FEZ2: variants seen among roughly 807,000 people sequenced by gnomAD.
FEZ2 encodes fasciculation and elongation protein zeta-2.
Under a neutral mutation model 40.4 loss-of-function variants are expected in FEZ2, and 51 were observed. That is an observed-to-expected ratio of 1.26 (90% confidence interval 1.01 to 1.59). The LOEUF is 1.59. Among genes scored for constraint, FEZ2 ranks in the 40% most tolerant of loss-of-function variants. FEZ2 has a pLI of 0.00. For missense variants in FEZ2, 640 were observed against 438.3 expected (o/e 1.46, Z -4.11); for synonymous variants, 242 against 172.0 (o/e 1.41, Z -3.18).
intron 6 of FEZ2, chr2:36,556,147 C>A (rs752817141): frequency 4.8e-6 from 2 of 412,810 alleles, no homozygotes; most frequent in Admixed American, 3.4e-5. Flanking sequence ...GCAGATCAAG[C>A]AAACTAGAGA....
At chr2:36,568,091 C>T (rs189477319) in intron 5 of FEZ2, among the ~76,000 whole-genome samples, 1 of 151,858 alleles carries the variant, frequency 6.6e-6, no homozygotes, top group African/African-American at 2.4e-5. Context: ...TTATTAGGTG[C>T]TTATGGTGCT....
intron 5 of FEZ2, among the ~76,000 whole-genome samples, chr2:36,577,150 A>C (rs926139614): frequency 2.0e-5 from 3 of 152,208 alleles, no homozygotes; most frequent in Non-Finnish European, 4.4e-5. Flanking sequence ...GGTTTTTTTC[A>C]GAGTACTCAC....
In FEZ2 at chr2:36,593,204, G is replaced by A. The variant is rs568704610; in HGVS notation, c.267-2193C>T. Among the ~76,000 whole-genome samples the A allele has an allele frequency of 7.9e-4, 120 of 152,012 alleles. 3 individuals carry two copies. In the East Asian group the frequency reaches 0.02, roughly 26 times the overall value. On this transcript the variant is annotated intron_variant, in intron 1 of 7. Transcript: ENST00000405912. ...GCTGAGGAGGCCTCAGAATCATGGT[G>A]GGAGACAAAAGGCACTTCTTACATG... is the stretch of plus-strand genomic sequence containing the variant.
At chr2:36,569,823 T>C (rs907168650) in intron 5 of FEZ2, among the ~76,000 whole-genome samples, 1 of 152,170 alleles carries the variant, frequency 6.6e-6, no homozygotes, top group African/African-American at 2.4e-5. Context: ...AAAATCTCAA[T>C]ATCAAAGCTC....
chr2:36,587,466 A>G (rs1224750242), intron 2 of FEZ2, among the ~76,000 whole-genome samples: 1 of 152,250 alleles, frequency 6.6e-6, no homozygotes, highest in Non-Finnish European at 1.5e-5. Context: ...AACTGAAGAT[A>G]CATCAAATGG....
At chr2:36,562,537 CA>C (rs1234443342) in intron 5 of FEZ2, among the ~76,000 whole-genome samples, 9 of 152,212 alleles carry the variant, frequency 5.9e-5, no homozygotes, top group African/African-American at 2.2e-4. Context: ...CCCAGATTTG[CA>C]AGCCAGTTTT....
At chr2:36,597,267 C>G (rs1034920961) in intron 1 of FEZ2, among the ~76,000 whole-genome samples, 1 of 152,148 alleles carries the variant, frequency 6.6e-6, no homozygotes, top group Non-Finnish European at 1.5e-5. Flanking sequence ...AGGCACACTC[C>G]CACTCATCAG....
At chr2:36,593,504 A>C (rs2148352811) in intron 1 of FEZ2, among the ~76,000 whole-genome samples, 2 of 152,188 alleles carry the variant, frequency 1.3e-5, no homozygotes, top group Middle Eastern at 3.4e-3. Context: ...ACTTCTGTGC[A>C]CCTGTGGGCT....
intron 4 of FEZ2, chr2:36,579,081 G>C: frequency 2.1e-6 from 1 of 475,602 alleles, no homozygotes; most frequent in Non-Finnish European, 3.7e-6. Flanking sequence ...GGGCAGGTGA[G>C]TCACTTCTCA....
chr2:36,579,104 G>T, intron 4 of FEZ2: 1 of 437,762 alleles, frequency 2.3e-6, no homozygotes, highest in East Asian at 3.5e-5. Context: ...TTGCTGGCAA[G>T]AAAGTCTAAC....
chr2:36,560,722 G>C (rs1668071312), intron 5 of FEZ2: 1 of 994,874 alleles, frequency 1.0e-6, no homozygotes, highest in African/African-American at 1.6e-5. Context: ...CCAGCTTTCA[G>C]GATCTTCACT....
At chr2:36,558,141 T>C in intron 6 of FEZ2, 1 of 204,928 alleles carries the variant, frequency 4.9e-6, no homozygotes, top group Non-Finnish European at 9.7e-6. Flanking sequence ...TAAATGGATA[T>C]GTTCTTAAAC....
In FEZ2 at chr2:36,598,110, A is replaced by G. The variant is rs776908001; in HGVS notation, c.33T>C (p.Tyr11=). MAADGDWQDF[Y]EFQEPARSLL... ...GGCTCCGGGCCGGCTCCTGGAACTC[A>G]TAGAAATCCTGCCAGTCCCCGTCCG... Residue 11 remains tyrosine, a synonymous_variant, in exon 1 of 8, where the codon TAT becomes TAC. Coordinates refer to ENST00000405912, the MANE Select transcript of FEZ2 (RefSeq NM_005102.3). The G allele has an allele frequency of 1.5e-5, 22 of 1,483,136 alleles. No individual in the cohort carries two copies. The highest frequency in any genetic ancestry group is 2.4e-4 in the Middle Eastern group (1 of 4,240). 91.9% of individuals were successfully genotyped at this position (1,483,136 alleles called of 1,614,324 possible).
intron 5 of FEZ2, 61 bp from the exon 6 acceptor site, chr2:36,558,574 T>G: frequency 1.1e-6 from 1 of 936,076 alleles, no homozygotes; most frequent in African/African-American, 1.7e-5. Context: ...TGCAAAAAAT[T>G]TGATACTGTT....
intron 5 of FEZ2, among the ~76,000 whole-genome samples, chr2:36,577,927 A>T (rs998644787): frequency 6.6e-6 from 1 of 152,232 alleles, no homozygotes; most frequent in South Asian, 2.1e-4. Context: ...TAAAAATAAA[A>T]CCAACATTTC....
chr2:36,558,500 A>G lies in FEZ2; in HGVS notation c.917T>C (p.Val306Ala). Residue 306 changes from valine (V) to alanine (A), a missense_variant, in exon 6 of 8, where the codon GTC becomes GCC. By Grantham distance (64) the Val-to-Ala change is moderately conservative. Coordinates refer to ENST00000405912, the MANE Select transcript of FEZ2 (RefSeq NM_005102.3). ...SHMPGTYLTT[V>A]IPYEKKNGPP... ...TCCGTTTTTTTTCTCATAAGGAATGACTGTAGTCAAATACTGCCAAGTTTA... is the reference window on the plus strand; with the variant it reads ...TCCGTTTTTTTTCTCATAAGGAATGGCTGTAGTCAAATACTGCCAAGTTTA... 1 of 1,515,226 alleles carries G rather than the reference A, an allele frequency of 6.6e-7. No individual in the cohort carries two copies. The highest frequency in any genetic ancestry group is 8.9e-7 in the Non-Finnish European group (1 of 1,127,090). The allele number at this position is 1,515,226 out of a possible 1,614,324, so 93.9% of individuals were successfully genotyped here.
chr2:36,567,134 G>A (rs1668267050), intron 5 of FEZ2, among the ~76,000 whole-genome samples: 1 of 152,048 alleles, frequency 6.6e-6, no homozygotes, highest in African/African-American at 2.4e-5. Flanking sequence ...ATAGTGCCTG[G>A]GCCATAGCAG....
chr2:36,585,829 G>A (rs933219032), intron 2 of FEZ2, among the ~76,000 whole-genome samples: 1 of 152,088 alleles, frequency 6.6e-6, no homozygotes, highest in Non-Finnish European at 1.5e-5. Context: ...GATTGGCAAA[G>A]GACAGAAGAG....
chr2:36,597,890 G>GT lies in FEZ2; in HGVS notation c.252_253insA (p.Leu85ThrfsTer13). ...CCCCGCACTCACTCGTCCCCCTGCAGGAGGCTGCGCTCCGTGATGGGCCGC... is the reference window on the plus strand; with the variant it reads ...CCCCGCACTCACTCGTCCCCCTGCAGTGAGGCTGCGCTCCGTGATGGGCCGC... On this transcript the variant is annotated frameshift_variant, in exon 1 of 8. Coordinates refer to ENST00000405912, the MANE Select transcript of FEZ2 (RefSeq NM_005102.3). LOFTEE classifies it high-confidence loss of function. 7.2e-7 allele frequency: 1 copy of GT among 1,383,830 alleles called. No individual in the cohort carries two copies. Among genetic ancestry groups the GT allele is most frequent in the Non-Finnish European group, 9.3e-7 (1 of 1,075,868 alleles). The allele number at this position is 1,383,830 out of a possible 1,614,324, so 85.7% of individuals were successfully genotyped here.
Sources: gnomAD v4.1 joint callset for allele counts (sites outside exome capture counted in the v4.1 genomes callset) on GRCh38, gnomAD v4.1.1 for gene constraint, MANE v1.5 for transcripts, NCBI Gene and HGNC (gene_info 2026-07-23, HGNC 2026-07-21) for gene names.